PPIL2: variants seen among roughly 807,000 people sequenced by gnomAD.
The protein encoded by PPIL2 is RING-type E3 ubiquitin-protein ligase PPIL2.
In PPIL2, 50 loss-of-function variants were observed where a neutral mutation model predicts 75.2. The observed-to-expected ratio is 0.66, with a 90% CI of 0.53 to 0.84. The LOEUF (loss-of-function observed/expected upper bound fraction) is 0.84. PPIL2 is among the 40% of genes least tolerant of loss of function. The pLI, the probability that PPIL2 is intolerant of heterozygous loss-of-function variation, is 0.00. For missense variants in PPIL2, 590 were observed against 685.0 expected (o/e 0.86, Z 1.55); for synonymous variants, 245 against 258.8 (o/e 0.95, Z 0.51).
At chr22:21,695,261 T>C in intron 19 of PPIL2, 133 bp from the exon 20 acceptor site, 1 of 1,323,558 alleles carries the variant, frequency 7.6e-7, no homozygotes, top group Middle Eastern at 1.9e-4. Flanking sequence ...GTGGAAGAGA[T>C]CAAATTCAGG....
chr22:21,675,027 A>C (rs747677773), intron 5 of PPIL2, 37 bp from the exon 6 acceptor site: 1 of 1,560,534 alleles, frequency 6.4e-7, no homozygotes, highest in Admixed American at 1.7e-5. Context: ...TCAGTTACTT[A>C]TTCATTATCA....
intron 12 of PPIL2, 150 bp from the exon 13 acceptor site, chr22:21,687,493 C>T (rs2067419016): frequency 1.7e-6 from 1 of 577,770 alleles, no homozygotes; most frequent in Non-Finnish European, 3.0e-6. Context: ...GCGGAGGTTG[C>T]AGTGAGCCAA....
At chr22:21,699,282 C>T (rs535960870), downstream of PPIL2, 1 of 152,572 alleles carries the variant, frequency 6.6e-6, no homozygotes, top group African/African-American at 2.4e-5. Context: ...TTCAGAGCCA[C>T]TTGCCAGGCT....
intron 9 of PPIL2, 57 bp downstream of exon 9, chr22:21,683,314 G>T: frequency 6.8e-7 from 1 of 1,461,598 alleles, no homozygotes; most frequent in East Asian, 2.3e-5. Flanking sequence ...AATTGGGACA[G>T]TGCTCCCTGG....
chr22:21,696,548 G>A lies in PPIL2; in HGVS notation c.*1058G>A. 7.3e-7 allele frequency: 1 copy of A among 1,376,648 alleles called. No individual in the cohort carries two copies. The highest frequency in any genetic ancestry group is 1.5e-5 in the South Asian group (1 of 65,076). 85.3% of individuals were successfully genotyped at this position (1,376,648 alleles called of 1,614,324 possible). A position where few individuals can be genotyped will look rare whatever the true frequency, so the allele number is the denominator to read the frequency against. On this transcript the variant is annotated 3_prime_UTR_variant, in exon 20 of 20. Transcript: ENST00000398831. ...CCATTTTTCTGTTAAATGTGCCCCT[G>A]GCTGGCTTTTTCTTCGTCTTCAGCC...
intron 3 of PPIL2, 147 bp downstream of exon 3, chr22:21,670,758 G>A (rs2066600385): frequency 5.1e-6 from 5 of 976,718 alleles, no homozygotes; most frequent in Non-Finnish European, 8.1e-6. Context: ...AAGATGCAGA[G>A]TCCTCGTCAT....
chr22:21,676,569 C>T (rs1002177456), intron 6 of PPIL2, among the ~76,000 whole-genome samples: 4 of 151,404 alleles, frequency 2.6e-5, no homozygotes, highest in South Asian at 2.1e-4. Flanking sequence ...TGACTCTTAA[C>T]TAGCATGCTG....
intron 1 of PPIL2, among the ~76,000 whole-genome samples, chr22:21,669,578 G>T (rs1211880777): frequency 6.6e-6 from 1 of 152,134 alleles, no homozygotes; most frequent in Non-Finnish European, 1.5e-5. Context: ...TTGGCTGACT[G>T]CAACCTCCGC....
rs867180263 is a variant in PPIL2, at chr22:21,677,138, C to T, written c.295+2023C>T. Among the ~76,000 whole-genome samples, 1,021 of 149,628 alleles carry T rather than the reference C, an allele frequency of 6.8e-3. 7 individuals are homozygous for T. The highest frequency in any genetic ancestry group is 0.022 in the Middle Eastern group (6 of 278). On this transcript the variant is annotated intron_variant, in intron 6 of 19. Coordinates refer to ENST00000398831, the MANE Select transcript of PPIL2 (RefSeq NM_014337.4). ...GGGGCTCCTCGCTTCTCAGACGGGGCGGCTGCCGGGCGGAGGGGCTCCTCA... is the reference window on the plus strand; with the variant it reads ...GGGGCTCCTCGCTTCTCAGACGGGGTGGCTGCCGGGCGGAGGGGCTCCTCA...
intron 7 of PPIL2, 112 bp from the exon 8 acceptor site, chr22:21,682,325 C>T (rs2067161014): frequency 2.3e-6 from 2 of 866,022 alleles, no homozygotes; most frequent in East Asian, 2.5e-5. Context: ...TCTCATTCCT[C>T]ATGCCTCTCA....
chr22:21,674,834 C>A (rs1028063442), intron 5 of PPIL2, among the ~76,000 whole-genome samples: 2 of 152,240 alleles, frequency 1.3e-5, no homozygotes, highest in Non-Finnish European at 2.9e-5. Flanking sequence ...CTCGGGGTCA[C>A]CCGTGACGGC....
At chr22:21,680,582 C>T (rs762361829) in intron 6 of PPIL2, among the ~76,000 whole-genome samples, 6 of 151,100 alleles carry the variant, frequency 4.0e-5, no homozygotes, top group Non-Finnish European at 7.4e-5. Flanking sequence ...GTAATCCCAG[C>T]ACTTTGGGAG....
intron 1 of PPIL2, among the ~76,000 whole-genome samples, chr22:21,667,022 T>C (rs2148490813): frequency 6.6e-6 from 1 of 152,190 alleles, no homozygotes; most frequent in East Asian, 1.9e-4. Flanking sequence ...GACCACTCCC[T>C]CTTTCTGAAG....
chr22:21,692,375 C>T (rs1013719336), intron 15 of PPIL2, among the ~76,000 whole-genome samples: 31 of 151,278 alleles, frequency 2.0e-4, no homozygotes, highest in East Asian at 1.0e-3. Flanking sequence ...AGGATGGTCT[C>T]GATCTCCTGA....
At chr22:21,682,041 T>C (rs1300077117) in intron 7 of PPIL2, among the ~76,000 whole-genome samples, 1 of 152,236 alleles carries the variant, frequency 6.6e-6, no homozygotes, top group Non-Finnish European at 1.5e-5. Flanking sequence ...GAGTGAGGGC[T>C]CTGCTAGACC....
intron 9 of PPIL2, among the ~76,000 whole-genome samples, chr22:21,683,596 A>G (rs2067221512): frequency 6.6e-6 from 1 of 152,238 alleles, no homozygotes; most frequent in Non-Finnish European, 1.5e-5. Context: ...AGCAGGACTC[A>G]TGTTCAGAGG....
chr22:21,696,128 G>C lies in PPIL2; in HGVS notation c.*638G>C. 2.0e-6 allele frequency: 2 copies of C among 995,900 alleles called. No homozygotes were observed. Among genetic ancestry groups the C allele is most frequent in the African/African-American group, 3.5e-5 (2 of 57,406 alleles). The allele number at this position is 995,900 out of a possible 1,614,324, so 61.7% of individuals were successfully genotyped here. A position where few individuals can be genotyped will look rare whatever the true frequency, so the allele number is the denominator to read the frequency against. On this transcript the variant is annotated 3_prime_UTR_variant, in exon 20 of 20. Coordinates refer to ENST00000398831, the MANE Select transcript of PPIL2 (RefSeq NM_014337.4). ...GACTTACTGAGCCTAAGCCTCTGCA[G>C]GGTGGGCTTCTCGGTCTGTTTTGAC...
At position 21,684,878 on chromosome 22, in the gene PPIL2, G is replaced by A; in HGVS notation, c.679G>A (p.Ala227Thr). Residue 227 changes from alanine (A) to threonine (T), a missense_variant, in exon 10 of 20, where the codon GCC becomes ACC. Ala to Thr is a moderately conservative substitution (Grantham distance 58). Coordinates refer to ENST00000398831, the MANE Select transcript of PPIL2 (RefSeq NM_014337.4). ...GDEILAATMK[A>T]PEKKKVDKLN... The stretch of plus-strand genomic sequence containing the variant: ...CGAGATTCTGGCAGCCACCATGAAG[G>A]CCCCGGAGAAGAAGAAAGTGGACAA... 2 of 1,614,042 alleles carry A rather than the reference G, an allele frequency of 1.2e-6. No individual in the cohort carries two copies. Among genetic ancestry groups the A allele is most frequent in the Non-Finnish European group, 1.7e-6 (2 of 1,179,922 alleles).
At chr22:21,675,018 C>T (rs754597289) in intron 5 of PPIL2, 46 bp from the exon 6 acceptor site, 6 of 1,510,116 alleles carry the variant, frequency 4.0e-6, no homozygotes, top group African/African-American at 1.4e-5. Context: ...CTCTGTGCAT[C>T]AGTTACTTAT....
Sources: gnomAD v4.1 joint callset for allele counts (sites outside exome capture counted in the v4.1 genomes callset) on GRCh38, gnomAD v4.1.1 for gene constraint, MANE v1.5 for transcripts, NCBI Gene and HGNC (gene_info 2026-07-23, HGNC 2026-07-21) for gene names.